Variants in MAP4K4 observed in about 807,000 individuals in gnomAD.
MAP4K4 encodes the protein HPK/GCK-like kinase HGK.
A neutral mutation model predicts 189.6 loss-of-function variants in MAP4K4; 38 were observed. That is an observed-to-expected ratio of 0.20 (90% confidence interval 0.15 to 0.26). The LOEUF (loss-of-function observed/expected upper bound fraction) is 0.26, where lower values mean the gene tolerates loss of function less well. Ranked by LOEUF, MAP4K4 falls within the 10% of genes least tolerant of loss-of-function variation. MAP4K4 has a pLI of 1.00. For synonymous variants in MAP4K4, 610 were observed against 624.3 expected, an observed-to-expected ratio of 0.98 and a Z score of 0.34; for missense variants, 1,054 against 1,726.9, an observed-to-expected ratio of 0.61 and a Z score of 6.91.
In MAP4K4 at chr2:101,707,337, T is replaced by G. The variant is rs2042863038; in HGVS notation, c.123+8799T>G. Among the ~76,000 whole-genome samples, 4 of 152,066 alleles carry G rather than the reference T, an allele frequency of 2.6e-5. No homozygotes were observed. In the South Asian group the frequency reaches 8.3e-4, roughly 32 times the overall value. ...AATTCTCTTGCCTCAGCCTCCCAAGTAGCTGGGACTGCAGGTGCGGACCAC... is the reference window on the plus strand; with the variant it reads ...AATTCTCTTGCCTCAGCCTCCCAAGGAGCTGGGACTGCAGGTGCGGACCAC... On this transcript the variant is annotated intron_variant, in intron 2 of 32. Coordinates refer to ENST00000324219, the Ensembl canonical transcript of MAP4K4.
chr2:101,832,785 C>A (rs1576436096), intron 7 of MAP4K4, among the ~76,000 whole-genome samples: 1 of 151,940 alleles, frequency 6.6e-6, no homozygotes, highest in Admixed American at 6.6e-5. Flanking sequence ...TGGATCCCCC[C>A]ACCCCCACCC....
chr2:101,824,121 TG>T, intron 4 of MAP4K4, 68 bp downstream of exon 4: 1 of 20,864 alleles, frequency 4.8e-5, no homozygotes, highest in South Asian at 7.5e-4. Context: ...ATGGCGGGGG[TG>T]GGGGCGGGGG....
chr2:101,823,092 G>A (rs1559078244), intron 3 of MAP4K4, among the ~76,000 whole-genome samples: 2 of 152,156 alleles, frequency 1.3e-5, no homozygotes, highest in African/African-American at 2.4e-5. Context: ...TGTGCACAGC[G>A]TCTTCTCCAG....
intron 12 of MAP4K4, among the ~76,000 whole-genome samples, chr2:101,849,402 T>TA (rs1459044969): frequency 6.6e-6 from 1 of 152,186 alleles, no homozygotes; most frequent in African/African-American, 2.4e-5. Flanking sequence ...GTGCTGGAAT[T>TA]ACAGGCATGA....
chr2:101,804,343 A>G (rs1422449117), intron 3 of MAP4K4, among the ~76,000 whole-genome samples: 3 of 152,214 alleles, frequency 2.0e-5, no homozygotes, highest in African/African-American at 7.2e-5. Flanking sequence ...GTTTAGAACT[A>G]TGAAAATGAT....
intron 13 of MAP4K4, among the ~76,000 whole-genome samples, chr2:101,857,979 T>A (rs1202290281): frequency 6.6e-6 from 1 of 152,160 alleles, no homozygotes; most frequent in Non-Finnish European, 1.5e-5. Flanking sequence ...CTATTCCTCT[T>A]CTAGAGCTTT....
chr2:101,795,841 C>T (rs761276782), intron 3 of MAP4K4, among the ~76,000 whole-genome samples: 3 of 151,890 alleles, frequency 2.0e-5, no homozygotes, highest in Non-Finnish European at 4.4e-5. Context: ...AATATTGGTT[C>T]CTGATAAAAC....
At chr2:101,704,819 A>G (rs181683489) in intron 2 of MAP4K4, among the ~76,000 whole-genome samples, 1 of 152,084 alleles carries the variant, frequency 6.6e-6, no homozygotes, top group African/African-American at 2.4e-5. Flanking sequence ...ATACAGGGAA[A>G]GATGACTAGG....
At chr2:101,752,073 C>T (rs959136529) in intron 2 of MAP4K4, among the ~76,000 whole-genome samples, 1 of 152,182 alleles carries the variant, frequency 6.6e-6, no homozygotes, top group Non-Finnish European at 1.5e-5. Context: ...TGGGGGAGAG[C>T]AGTGCTTTCC....
chr2:101,737,426 GATATATATATAT>G (rs59942464), intron 2 of MAP4K4, among the ~76,000 whole-genome samples: 29 of 29,992 alleles, frequency 9.7e-4, no homozygotes, highest in South Asian at 4.3e-3. Flanking sequence ...CCTATTGTGA[GATATATATATAT>G]ATATATATAT....
chr2:101,892,684 G>A (rs1052044563), exon 33 of MAP4K4: 3 of 340,730 alleles, frequency 8.8e-6, no homozygotes, highest in Non-Finnish European at 1.7e-5. Context: ...TGTTTTAGGT[G>A]TAATATCGAA....
chr2:101,819,492 A>T (rs1186625692), intron 3 of MAP4K4, among the ~76,000 whole-genome samples: 1 of 152,190 alleles, frequency 6.6e-6, no homozygotes. Context: ...CTGCCTTTTT[A>T]TTTTATAAGA....
intron 2 of MAP4K4, among the ~76,000 whole-genome samples, chr2:101,721,309 T>C (rs1472690066): frequency 6.6e-6 from 1 of 151,748 alleles, no homozygotes; most frequent in Admixed American, 6.6e-5. Context: ...TAGGGCAGTG[T>C]GAAAAACCAT....
At chr2:101,891,684 G>A (rs6705975) in exon 33 of MAP4K4, 97,345 of 161,074 alleles carry the variant, frequency 0.6, 31,271 homozygotes, top group African/African-American at 0.84. Context: ...TAAAAGGAGC[G>A]GAGTGCTGAA....
At chr2:101,858,240 G>A (rs956292375) in intron 13 of MAP4K4, among the ~76,000 whole-genome samples, 1 of 152,100 alleles carries the variant, frequency 6.6e-6, no homozygotes, top group East Asian at 1.9e-4. Flanking sequence ...TTTATAATAC[G>A]CATGCAGCTT....
chr2:101,757,695 G>GT (rs1435864874), intron 2 of MAP4K4, among the ~76,000 whole-genome samples: 2 of 152,136 alleles, frequency 1.3e-5, no homozygotes, highest in African/African-American at 2.4e-5. Flanking sequence ...GTTAGGCACA[G>GT]TAAGAGATTA....
chr2:101,781,122 A>G (rs1457518269), intron 2 of MAP4K4, among the ~76,000 whole-genome samples: 1 of 152,196 alleles, frequency 6.6e-6, no homozygotes, highest in Non-Finnish European at 1.5e-5. Context: ...TTGACTGTTG[A>G]TGAAAGAAAG....
chr2:101,846,929 C>G (rs926034017), intron 12 of MAP4K4, among the ~76,000 whole-genome samples: 1 of 152,168 alleles, frequency 6.6e-6, no homozygotes, highest in African/African-American at 2.4e-5. Context: ...GGGTTTGGTT[C>G]TAGGACTTCC....
At chr2:101,885,098 A>C in intron 28 of MAP4K4, 89 bp from the exon 29 acceptor site, 1 of 566,444 alleles carries the variant, frequency 1.8e-6, no homozygotes, top group Non-Finnish European at 3.1e-6. Context: ...GCATATTTAT[A>C]AAGTTTGCAG....
Sources: allele counts gnomAD v4.1 joint callset (sites outside exome capture counted in the v4.1 genomes callset), GRCh38; gene constraint gnomAD v4.1.1; transcripts MANE v1.5; gene names NCBI Gene and HGNC (gene_info 2026-07-23, HGNC 2026-07-21).